Variants in CHST9 observed in about 807,000 individuals in gnomAD.
CHST9 encodes carbohydrate sulfotransferase 9, also known as GalNAc-4-sulfotransferase 2.
Under a neutral mutation model 44.4 loss-of-function variants are expected in CHST9, and 41 were observed. The observed-to-expected ratio is 0.92, with a 90% CI of 0.72 to 1.20. The LOEUF (loss-of-function observed/expected upper bound fraction) is 1.20. Ranked by LOEUF, CHST9 falls within the 50% of genes most tolerant of loss-of-function variation. The pLI is 0.00. For synonymous variants in CHST9, 171 were observed against 178.4 expected, an observed-to-expected ratio of 0.96 and a Z score of 0.33; for missense variants, 504 against 516.5, an observed-to-expected ratio of 0.98 and a Z score of 0.23.
chr18:27,065,229 G>C (rs1396609473), intron 2 of CHST9, among the ~76,000 whole-genome samples: 2 of 152,270 alleles, frequency 1.3e-5, no homozygotes, highest in East Asian at 3.9e-4. Context: ...AAGAATCTTC[G>C]AGGTATTTTG....
At chr18:26,996,515 C>T (rs577006877) in intron 4 of CHST9, among the ~76,000 whole-genome samples, 4 of 152,178 alleles carry the variant, frequency 2.6e-5, no homozygotes, top group East Asian at 1.9e-4. Context: ...CCTCTTCTTC[C>T]GTGCTTTTAT....
chr18:27,077,794 C>T (rs2057919912), intron 2 of CHST9, among the ~76,000 whole-genome samples: 1 of 152,138 alleles, frequency 6.6e-6, no homozygotes, highest in African/African-American at 2.4e-5. Flanking sequence ...AATTTGTTCT[C>T]ACACTGCTAT....
chr18:26,983,531 C>A (rs1437073888), intron 4 of CHST9, among the ~76,000 whole-genome samples: 1 of 152,144 alleles, frequency 6.6e-6, no homozygotes, highest in East Asian at 1.9e-4. Context: ...GAGGCCTCCC[C>A]AGAAGCCGAG....
chr18:26,921,793 A>C (rs2055659888), intron 5 of CHST9, among the ~76,000 whole-genome samples: 1 of 152,132 alleles, frequency 6.6e-6, no homozygotes, highest in African/African-American at 2.4e-5. Flanking sequence ...TATAAAGCCA[A>C]AATTATCCTG....
intron 4 of CHST9, among the ~76,000 whole-genome samples, chr18:27,011,986 G>A (rs1005110665): frequency 2.0e-5 from 3 of 152,130 alleles, no homozygotes; most frequent in African/African-American, 7.2e-5. Flanking sequence ...CTCCTCTTTT[G>A]GTGCACAGGC....
At chr18:27,177,525 T>C (rs1264707994) in intron 1 of CHST9, among the ~76,000 whole-genome samples, 2 of 151,998 alleles carry the variant, frequency 1.3e-5, no homozygotes, top group African/African-American at 2.4e-5. Flanking sequence ...CTGAAATTAA[T>C]GGAAAAGTAA....
chr18:26,990,467 T>C (rs1489773710), intron 4 of CHST9, among the ~76,000 whole-genome samples: 1 of 152,222 alleles, frequency 6.6e-6, no homozygotes, highest in African/African-American at 2.4e-5. Context: ...AAGTATGTTA[T>C]GCTCCAAAAA....
At chr18:26,960,332 T>C (rs1474446387) in intron 4 of CHST9, among the ~76,000 whole-genome samples, 19 of 152,170 alleles carry the variant, frequency 1.2e-4, no homozygotes, top group Non-Finnish European at 1.9e-4. Flanking sequence ...TCAACTTAGA[T>C]AGTGGAATGC....
intron 2 of CHST9, among the ~76,000 whole-genome samples, chr18:27,062,318 C>A (rs555097413): frequency 3.9e-5 from 6 of 152,124 alleles, no homozygotes; most frequent in South Asian, 2.1e-4. Context: ...CACCTCCCCC[C>A]ACCCCATGAC....
At chr18:26,985,492 A>G (rs1471295180) in intron 4 of CHST9, among the ~76,000 whole-genome samples, 1 of 152,218 alleles carries the variant, frequency 6.6e-6, no homozygotes, top group African/African-American at 2.4e-5. Flanking sequence ...CAGTTTACCA[A>G]CTTGAGTTCC....
At chr18:27,142,343 G>A (rs1032863896) in intron 2 of CHST9, among the ~76,000 whole-genome samples, 2 of 152,118 alleles carry the variant, frequency 1.3e-5, no homozygotes, top group Admixed American at 1.3e-4. Context: ...TGTACATTCA[G>A]GGCCTTTTAG....
chr18:27,119,897 C>G (rs1208032805), intron 2 of CHST9, among the ~76,000 whole-genome samples: 1 of 152,070 alleles, frequency 6.6e-6, no homozygotes. Flanking sequence ...AATATGGTCA[C>G]TCAGTTACAG....
chr18:26,962,337 C>G (rs2056411463), intron 4 of CHST9, among the ~76,000 whole-genome samples: 1 of 149,270 alleles, frequency 6.7e-6, no homozygotes, highest in African/African-American at 2.5e-5. Context: ...GTCGCCCAGG[C>G]TGGGGTGCAG....
rs1254610686 is a variant in CHST9, at chr18:26,912,867, G to A, written c.*3392C>T. ...CTAAATTGAATTAGCCTTGGCCTAA[G>A]GTTCTCAGGTAGTTGAGCTATAATT... On this transcript the variant is annotated 3_prime_UTR_variant, in exon 6 of 6. Coordinates refer to ENST00000618847, the MANE Select transcript of CHST9 (RefSeq NM_031422.6). 1 of 152,194 alleles carries A rather than the reference G, an allele frequency of 6.6e-6. No individual in the cohort carries two copies. Among genetic ancestry groups the A allele is most frequent in the African/African-American group, 2.4e-5 (1 of 41,460 alleles). The allele number at this position is 152,194 out of a possible 1,614,324, so 9.4% of individuals were successfully genotyped here.
intron 4 of CHST9, among the ~76,000 whole-genome samples, chr18:26,991,184 A>G (rs1188417793): frequency 1.3e-5 from 2 of 152,208 alleles, no homozygotes; most frequent in African/African-American, 4.8e-5. Context: ...CATATTCCAA[A>G]CAAGAGATGA....
chr18:26,947,334 G>T (rs1295577313), intron 4 of CHST9, among the ~76,000 whole-genome samples: 1 of 152,038 alleles, frequency 6.6e-6, no homozygotes, highest in Non-Finnish European at 1.5e-5. Context: ...TATTATTGAT[G>T]TATAGGGATG....
chr18:27,141,591 C>CAAAAAAAAAAAAAAAAA (rs34920055), intron 2 of CHST9, among the ~76,000 whole-genome samples: 18 of 50,098 alleles, frequency 3.6e-4, no homozygotes, highest in African/African-American at 1.4e-3. Context: ...AATCCCGACT[C>CAAAAAAAAAAAAAAAAA]AAAAAAAAAA....
Position 27,180,258 on chromosome 18 carries a change from C to A in CHST9, c.-97+4878G>T, listed in dbSNP as rs116218685. On this transcript the variant is annotated intron_variant, in intron 1 of 5. Transcript: ENST00000618847. ...TTTATTCATCATATATTCATACAAG[C>A]GCTGACTTTACTATGTGTCTAGTGA... Among the ~76,000 whole-genome samples the A allele has an allele frequency of 9.0e-3, 1,374 of 152,206 alleles. 15 individuals are homozygous for A. Among genetic ancestry groups the A allele is most frequent in the African/African-American group, 0.032 (1,321 of 41,518 alleles).
At chr18:27,173,355 C>A (rs1407256677) in intron 1 of CHST9, among the ~76,000 whole-genome samples, 1 of 151,982 alleles carries the variant, frequency 6.6e-6, no homozygotes, top group Non-Finnish European at 1.5e-5. Context: ...CTATTCTACA[C>A]TGAAACTGCA....
Sources: allele counts gnomAD v4.1 joint callset (sites outside exome capture counted in the v4.1 genomes callset), GRCh38; gene constraint gnomAD v4.1.1; transcripts MANE v1.5; gene names NCBI Gene and HGNC (gene_info 2026-07-23, HGNC 2026-07-21).